Variants in OR9Q1 observed in about 807,000 individuals in gnomAD.
OR9Q1 encodes olfactory receptor 9Q1.
For missense variants in OR9Q1, 374 were observed against 378.8 expected, an observed-to-expected ratio of 0.99 and a Z score of 0.11; for synonymous variants, 153 against 148.6, an observed-to-expected ratio of 1.03 and a Z score of -0.22.
At chr11:58,116,266 C>A (rs148379870) in intron 2 of OR9Q1, among the ~76,000 whole-genome samples, 1 of 152,102 alleles carries the variant, frequency 6.6e-6, no homozygotes, top group Admixed American at 6.6e-5. Flanking sequence ...AAAGAAAAAC[C>A]GAAGGAAAGT....
chr11:58,036,248 C>G (rs894933403), intron 1 of OR9Q1, among the ~76,000 whole-genome samples: 6 of 152,192 alleles, frequency 3.9e-5, no homozygotes, highest in Admixed American at 1.3e-4. Flanking sequence ...CTGTCTCATG[C>G]TGTTTACAGC....
At chr11:58,080,078 G>C (rs934295386) in intron 2 of OR9Q1, among the ~76,000 whole-genome samples, 1 of 151,916 alleles carries the variant, frequency 6.6e-6, no homozygotes, top group African/African-American at 2.4e-5. Flanking sequence ...TTGTTACATG[G>C]GTATATTGCA....
intron 2 of OR9Q1, among the ~76,000 whole-genome samples, chr11:58,159,965 T>G (rs1854442787): frequency 6.6e-6 from 1 of 152,212 alleles, no homozygotes; most frequent in Non-Finnish European, 1.5e-5. Context: ...GTTCAACCAG[T>G]AAAATGTTGC....
intron 2 of OR9Q1, chr11:58,109,298 G>A (rs775156419): frequency 5.0e-5 from 23 of 461,660 alleles, no homozygotes; most frequent in African/African-American, 1.6e-4. Flanking sequence ...GCAACAAAGC[G>A]GTCATAGGCC....
intron 2 of OR9Q1, among the ~76,000 whole-genome samples, chr11:58,090,764 T>A (rs9787969): frequency 0.21 from 32,391 of 152,088 alleles, 4,098 homozygotes; most frequent in Middle Eastern, 0.38. Context: ...TGTGAATCCA[T>A]CTGGTCCTGG....
intron 2 of OR9Q1, among the ~76,000 whole-genome samples, chr11:58,077,092 A>G (rs924844567): frequency 7.2e-5 from 11 of 152,186 alleles, no homozygotes; most frequent in Admixed American, 6.6e-4. Flanking sequence ...GGACAAGATG[A>G]CTTTAAAAGT....
intron 2 of OR9Q1, among the ~76,000 whole-genome samples, chr11:58,120,557 C>T (rs528489257): frequency 5.3e-5 from 8 of 151,674 alleles, no homozygotes; most frequent in South Asian, 4.2e-4. Context: ...ATCCATCACC[C>T]GAGCAGTATA....
At chr11:58,163,605 T>A (rs1310383851) in intron 2 of OR9Q1, among the ~76,000 whole-genome samples, 1 of 152,248 alleles carries the variant, frequency 6.6e-6, no homozygotes, top group Admixed American at 6.5e-5. Context: ...CTAGTTATTT[T>A]TCCCTAAGGT....
chr11:58,115,015 C>T (rs573286570), intron 2 of OR9Q1, among the ~76,000 whole-genome samples: 22 of 152,244 alleles, frequency 1.4e-4, no homozygotes, highest in Admixed American at 5.9e-4. Context: ...CTATTCTGTG[C>T]GGAGCCTTAA....
At chr11:58,165,216 A>C (rs996005745) in intron 2 of OR9Q1, among the ~76,000 whole-genome samples, 2 of 152,220 alleles carry the variant, frequency 1.3e-5, no homozygotes, top group African/African-American at 2.4e-5. Flanking sequence ...CTAAATGACA[A>C]GTGAGTGAAT....
intron 2 of OR9Q1, among the ~76,000 whole-genome samples, chr11:58,083,516 C>G (rs1257152036): frequency 6.6e-6 from 1 of 151,960 alleles, no homozygotes; most frequent in Admixed American, 6.6e-5. Context: ...GTTTTGAGGA[C>G]TGAGTCATAA....
chr11:58,117,558 A>G (rs192436163), intron 2 of OR9Q1: 1 of 152,378 alleles, frequency 6.6e-6, no homozygotes, highest in Non-Finnish European at 1.5e-5. Flanking sequence ...AGGGTTTTAC[A>G]GTCTGGTACA....
In OR9Q1 at chr11:58,161,122, A is replaced by G. The variant is rs1854453351; in HGVS notation, c.-14-18309A>G. 2.0e-5 allele frequency among the ~76,000 whole-genome samples: 3 copies of G among 152,122 alleles called. No individual in the cohort carries two copies. In the South Asian group the frequency reaches 6.2e-4, roughly 32 times the overall value. On this transcript the variant is annotated intron_variant, in intron 2 of 2. Coordinates refer to ENST00000335397, the MANE Select transcript of OR9Q1 (RefSeq NM_001005212.4). ...GGTCGGGGGCTGGGGGAGGGATAGC[A>G]TTAGGAGGAATACCTACTGTAAATG...
chr11:58,177,856 C>T (rs980439046), intron 2 of OR9Q1, among the ~76,000 whole-genome samples: 5 of 152,128 alleles, frequency 3.3e-5, no homozygotes, highest in African/African-American at 7.2e-5. Flanking sequence ...TCCAGGAGCA[C>T]GTGCTCTGAC....
At chr11:58,145,483 T>C (rs535718582) in intron 2 of OR9Q1, 20 of 152,298 alleles carry the variant, frequency 1.3e-4, no homozygotes, top group Non-Finnish European at 2.2e-4. Flanking sequence ...TTTTGTCTCG[T>C]CCTCTTAACA....
chr11:58,056,592 G>C (rs1190509848), intron 2 of OR9Q1, among the ~76,000 whole-genome samples: 1 of 152,166 alleles, frequency 6.6e-6, no homozygotes, highest in Non-Finnish European at 1.5e-5. Context: ...AGATTGATTT[G>C]TTTGTGGATT....
chr11:58,046,092 A>G (rs1424399497), intron 1 of OR9Q1, among the ~76,000 whole-genome samples: 3 of 152,232 alleles, frequency 2.0e-5, no homozygotes, highest in Non-Finnish European at 4.4e-5. Context: ...GGTCTGATGC[A>G]TGGATTCTGT....
intron 2 of OR9Q1, among the ~76,000 whole-genome samples, chr11:58,079,887 A>T (rs1853572723): frequency 6.6e-6 from 1 of 152,184 alleles, no homozygotes; most frequent in Non-Finnish European, 1.5e-5. Context: ...TGCCCAGCTG[A>T]GCCAACACAA....
chr11:58,052,619 G>GA (rs201518399), intron 1 of OR9Q1, among the ~76,000 whole-genome samples: 20,716 of 49,942 alleles, frequency 0.41, 4,512 homozygotes, highest in Admixed American at 0.51. Flanking sequence ...AGAAAAAAAG[G>GA]AAAAAAAAAA....
Sources: allele counts gnomAD v4.1 joint callset (sites outside exome capture counted in the v4.1 genomes callset), GRCh38; gene constraint gnomAD v4.1.1; transcripts MANE v1.5; gene names NCBI Gene and HGNC (gene_info 2026-07-23, HGNC 2026-07-21).